The following LYPLAL1 variants were observed in gnomAD, a reference collection of about 807,000 sequenced individuals.
The protein encoded by LYPLAL1 is lysophospholipase like 1, also known as lysophospholipase-like protein 1.
Under a neutral mutation model 19.7 loss-of-function variants are expected in LYPLAL1, and 23 were observed. That is an observed-to-expected ratio of 1.17 (90% CI 0.84 to 1.65). LYPLAL1 has a LOEUF of 1.65. Ranked by LOEUF, LYPLAL1 falls within the 40% of genes most tolerant of loss-of-function variation. The probability of loss-of-function intolerance (pLI) is 0.00; values close to 1 mark genes in which losing one functional copy is unlikely to be tolerated. For missense variants in LYPLAL1, 355 were observed against 279.4 expected, an observed-to-expected ratio of 1.27 and a Z score of -1.93; for synonymous variants, 119 against 96.3, an observed-to-expected ratio of 1.24 and a Z score of -1.38.
the LYPLAL1 span, among the ~76,000 whole-genome samples, chr1:219,296,039 G>A: frequency 3.4e-3 from 521 of 152,182 alleles, 6 homozygotes; most frequent in African/African-American, 0.012. Context: ...CACATAGTTG[G>A]TGTTAAATCA....
the LYPLAL1 span, among the ~76,000 whole-genome samples, chr1:219,306,883 T>G: frequency 2.5e-5 from 3 of 121,164 alleles, no homozygotes; most frequent in African/African-American, 8.3e-5. Context: ...TAGATAGAGA[T>G]AGAAAGTAAA....
the LYPLAL1 span, among the ~76,000 whole-genome samples, chr1:219,348,718 G>A: frequency 6.6e-6 from 1 of 152,118 alleles, no homozygotes; most frequent in South Asian, 2.1e-4. Flanking sequence ...TGTGCATGAA[G>A]CTGTATAATC....
chr1:219,442,141 A>G, the LYPLAL1 span, among the ~76,000 whole-genome samples: 1 of 152,170 alleles, frequency 6.6e-6, no homozygotes, highest in Non-Finnish European at 1.5e-5. Context: ...ACAGCACAAT[A>G]CAAAAGGTCC....
intron 2 of LYPLAL1, among the ~76,000 whole-genome samples, chr1:219,190,117 A>AG (rs1350664404): frequency 6.6e-6 from 1 of 151,648 alleles, no homozygotes; most frequent in Admixed American, 6.6e-5. Context: ...AAAGCTCTTC[A>AG]GCTGAATCAC....
intron 3 of LYPLAL1, among the ~76,000 whole-genome samples, chr1:219,206,338 T>C (rs1209034306): frequency 6.6e-6 from 1 of 152,154 alleles, no homozygotes; most frequent in Non-Finnish European, 1.5e-5. Flanking sequence ...CTACAATGGA[T>C]TTACTATTTT....
chr1:219,303,160 A>G, the LYPLAL1 span, among the ~76,000 whole-genome samples: 1 of 152,214 alleles, frequency 6.6e-6, no homozygotes, highest in Non-Finnish European at 1.5e-5. Context: ...TAAATCATGA[A>G]ATATTAATAA....
chr1:219,211,634 C>T lies in LYPLAL1; in HGVS notation c.620C>T (p.Pro207Leu), dbSNP rs369798094. The T allele has an allele frequency of 6.2e-7, 1 of 1,613,192 alleles. No homozygotes were observed. The highest frequency in any genetic ancestry group is 1.3e-5 in the African/African-American group (1 of 74,856). ...LGVTTKFHSF[P>L]NVYHELSKTE... is the part of the protein sequence containing the mutation. Reference sequence around the variant, plus strand: ...GTGACCACGAAGTTTCATAGTTTTCCAAATGTTTACCATGAGCTAAGCAAA... The same window carrying T: ...GTGACCACGAAGTTTCATAGTTTTCTAAATGTTTACCATGAGCTAAGCAAA... Residue 207 changes from proline (P) to leucine (L), a missense_variant, in exon 5 of 5, where the codon CCA becomes CTA. Coordinates refer to ENST00000366928, the MANE Select transcript of LYPLAL1 (RefSeq NM_138794.5).
At chr1:219,406,411 C>T in the LYPLAL1 span, among the ~76,000 whole-genome samples, 1 of 152,248 alleles carries the variant, frequency 6.6e-6, no homozygotes, top group Admixed American at 6.5e-5. Context: ...AACCTCACTG[C>T]TTTCATTAAC....
At chr1:219,206,996 C>G (rs1283752186) in intron 3 of LYPLAL1, among the ~76,000 whole-genome samples, 1 of 151,722 alleles carries the variant, frequency 6.6e-6, no homozygotes, top group Admixed American at 6.6e-5. Flanking sequence ...TTTTTTCAAT[C>G]ATTCGTACAG....
the LYPLAL1 span, among the ~76,000 whole-genome samples, chr1:219,257,751 G>C: frequency 8.7e-4 from 132 of 152,120 alleles, 1 homozygote; most frequent in African/African-American, 2.4e-3. Context: ...ATATTGTCTT[G>C]ATAAACATCT....
chr1:219,311,211 A>G, the LYPLAL1 span, among the ~76,000 whole-genome samples: 2 of 151,256 alleles, frequency 1.3e-5, no homozygotes, highest in African/African-American at 4.9e-5. Context: ...TCTTTCAGTC[A>G]TGGAATGGAA....
the LYPLAL1 span, among the ~76,000 whole-genome samples, chr1:219,243,203 TC>T: frequency 6.6e-6 from 1 of 152,184 alleles, no homozygotes; most frequent in South Asian, 2.1e-4. Flanking sequence ...AGAATGGTGA[TC>T]AATTTTGTTT....
At chr1:219,337,120 C>T in the LYPLAL1 span, among the ~76,000 whole-genome samples, 1 of 149,284 alleles carries the variant, frequency 6.7e-6, no homozygotes, top group Non-Finnish European at 1.5e-5. Flanking sequence ...AATATCCTGC[C>T]TCTCTTTTCT....
Position 219,173,911 on chromosome 1 carries a change from G to C in LYPLAL1, c.21G>C (p.Ser7=). The C allele has an allele frequency of 2.5e-6, 4 of 1,613,452 alleles. No homozygotes were observed. Among genetic ancestry groups the C allele is most frequent in the Non-Finnish European group, 3.4e-6 (4 of 1,179,948 alleles). MAAASG[S]VLQRCIVSPA... ...CAGCGATGGCGGCTGCGTCGGGGTC[G>C]GTTCTGCAGCGCTGTATCGTGTCGC... Residue 7 remains serine (S), a synonymous_variant, in exon 1 of 5, where the codon TCG becomes TCC. Coordinates refer to ENST00000366928, the MANE Select transcript of LYPLAL1 (RefSeq NM_138794.5).
At chr1:219,441,104 T>C in the LYPLAL1 span, among the ~76,000 whole-genome samples, 1 of 152,116 alleles carries the variant, frequency 6.6e-6, no homozygotes, top group East Asian at 1.9e-4. Flanking sequence ...AGGAAAACAA[T>C]GTGTTTAAAA....
the LYPLAL1 span, among the ~76,000 whole-genome samples, chr1:219,383,676 G>T: frequency 6.6e-6 from 1 of 152,062 alleles, no homozygotes; most frequent in Non-Finnish European, 1.5e-5. Context: ...AAAACACAAA[G>T]AACTATAAAT....
chr1:219,368,743 G>C, the LYPLAL1 span, among the ~76,000 whole-genome samples: 1 of 152,206 alleles, frequency 6.6e-6, no homozygotes, highest in Non-Finnish European at 1.5e-5. Context: ...AGTAAAAGCA[G>C]AGTTTGGGTA....
chr1:219,188,545 G>A (rs998778607), intron 2 of LYPLAL1, among the ~76,000 whole-genome samples: 6 of 151,726 alleles, frequency 4.0e-5, no homozygotes, highest in African/African-American at 1.5e-4. Flanking sequence ...GGGTGGGAGA[G>A]AGAAGTGGTA....
intron 2 of LYPLAL1, among the ~76,000 whole-genome samples, chr1:219,186,937 G>T (rs994571717): frequency 6.6e-6 from 1 of 150,946 alleles, no homozygotes; most frequent in African/African-American, 2.4e-5. Flanking sequence ...TGAATTATTC[G>T]TTTTTTAATA....
Sources: gnomAD v4.1 joint callset for allele counts (sites outside exome capture counted in the v4.1 genomes callset) on GRCh38, gnomAD v4.1.1 for gene constraint, MANE v1.5 for transcripts, NCBI Gene and HGNC (gene_info 2026-07-23, HGNC 2026-07-21) for gene names.